The following ANK1 variants were observed in gnomAD, a reference collection of about 807,000 sequenced individuals.
The protein encoded by ANK1 is ankyrin 1.
ANK1 carries 51 observed loss-of-function variants against 210.4 expected under a neutral mutation model. That is an observed-to-expected ratio of 0.24 (90% CI 0.19 to 0.31). ANK1 has a LOEUF of 0.31. Ranked by LOEUF, ANK1 falls within the 10% of genes least tolerant of loss-of-function variation. The pLI is 1.00. For synonymous variants in ANK1, 967 were observed against 1,025.9 expected (o/e 0.94, Z 1.10); for missense variants, 2,051 against 2,504.4 (o/e 0.82, Z 3.86).
chr8:41,663,972 G>A (rs1809463843), intron 39 of ANK1: 2 of 641,644 alleles, frequency 3.1e-6, no homozygotes, highest in Non-Finnish European at 5.7e-6. Flanking sequence ...GCTCACAATT[G>A]TGCACTTGGC....
intron 1 of ANK1, among the ~76,000 whole-genome samples, chr8:41,854,827 G>A (rs1209603180): frequency 6.6e-6 from 1 of 152,020 alleles, no homozygotes; most frequent in Non-Finnish European, 1.5e-5. Flanking sequence ...GCGCACAGCT[G>A]TAGTCCTAGC....
intron 1 of ANK1, among the ~76,000 whole-genome samples, chr8:41,863,597 T>C (rs941962527): frequency 2.0e-5 from 3 of 152,226 alleles, no homozygotes; most frequent in African/African-American, 7.2e-5. Context: ...TTATTAGTAG[T>C]ATACAATAAA....
In ANK1 at chr8:41,804,346, A is replaced by C. The variant is rs938915490; in HGVS notation, c.127-46209T>G. 5.3e-5 allele frequency among the ~76,000 whole-genome samples: 8 copies of C among 152,358 alleles called. No homozygotes were observed. The East Asian group carries it at 1.5e-3, about 29-fold the overall frequency. On this transcript the variant is annotated intron_variant, in intron 1 of 42. Transcript: ENST00000265709. ...GCTGTCATGGCCTAGTCTAGACATC[A>C]CATATCATCACTTCTGCCACATTCT...
intron 18 of ANK1, among the ~76,000 whole-genome samples, chr8:41,705,532 T>C (rs759668887): frequency 6.6e-6 from 1 of 152,186 alleles, no homozygotes; most frequent in Non-Finnish European, 1.5e-5. Flanking sequence ...ACTGTCACTG[T>C]CCCTTCCTTT....
At chr8:41,849,776 C>T (rs1046190976) in intron 1 of ANK1, among the ~76,000 whole-genome samples, 1 of 152,246 alleles carries the variant, frequency 6.6e-6, no homozygotes, top group African/African-American at 2.4e-5. Flanking sequence ...CAGCTCCTTT[C>T]GTCAGCACGT....
At chr8:41,767,468 A>G (rs1254487056) in intron 1 of ANK1, among the ~76,000 whole-genome samples, 3 of 149,342 alleles carry the variant, frequency 2.0e-5, no homozygotes, top group Non-Finnish European at 3.0e-5. Context: ...CCAGCAAGTT[A>G]CGCGGCATCT....
intron 37 of ANK1, among the ~76,000 whole-genome samples, chr8:41,678,021 A>G (rs1206958526): frequency 6.6e-6 from 1 of 152,204 alleles, no homozygotes; most frequent in Non-Finnish European, 1.5e-5. Flanking sequence ...CAGTCTGCTA[A>G]TAATGTGCCC....
chr8:41,818,261 A>G (rs1803646079), intron 1 of ANK1, among the ~76,000 whole-genome samples: 1 of 152,212 alleles, frequency 6.6e-6, no homozygotes, highest in Admixed American at 6.5e-5. Context: ...GGAGGAGTAA[A>G]GTTTTAAATC....
At chr8:41,656,927 G>A (rs527724436) in intron 42 of ANK1, among the ~76,000 whole-genome samples, 31 of 152,280 alleles carry the variant, frequency 2.0e-4, no homozygotes, top group South Asian at 4.1e-4. Flanking sequence ...TGCTGCCACC[G>A]TAGAGGGAAG....
rs148961326 is a variant in ANK1 at position 41,759,724 on chromosome 8, C to T, written c.28-1587G>A. On this transcript the variant is annotated intron_variant, in intron 1 of 42. Transcript: ENST00000289734. ...ATCTACAGGGGGTTCTGGAACCAAT[C>T]CCCCACAGATACCGAAGGATGACTA... is the stretch of plus-strand genomic sequence containing the variant. 1.6e-3 allele frequency among the ~76,000 whole-genome samples: 248 copies of T among 152,222 alleles called. 3 individuals carry two copies. Among genetic ancestry groups the T allele is most frequent in the Non-Finnish European group, 7.9e-4 (54 of 68,018 alleles).
At chr8:41,714,863 G>GA (rs1827182006) in intron 15 of ANK1, 113 bp downstream of exon 15, 107 of 1,144,634 alleles carry the variant, frequency 9.3e-5, no homozygotes, top group Middle Eastern at 4.3e-4. Context: ...CTGTCTCAAA[G>GA]AAAAAAAAGA....
At chr8:41,820,167 C>CTTTTT (rs35718313) in intron 1 of ANK1, among the ~76,000 whole-genome samples, 1 of 147,880 alleles carries the variant, frequency 6.8e-6, no homozygotes. Context: ...TAGATCTCAC[C>CTTTTT]TTTTTTTTTT....
At chr8:41,860,821 G>A (rs1281286296) in intron 1 of ANK1, among the ~76,000 whole-genome samples, 1 of 152,128 alleles carries the variant, frequency 6.6e-6, no homozygotes, top group Non-Finnish European at 1.5e-5. Flanking sequence ...AACCTCAAGG[G>A]GCCTCAGGGC....
At chr8:41,787,181 G>GT (rs1330851338) in intron 1 of ANK1, among the ~76,000 whole-genome samples, 5 of 152,260 alleles carry the variant, frequency 3.3e-5, no homozygotes, top group African/African-American at 1.2e-4. Context: ...GCTGGGCTTG[G>GT]ACAGGGGCAG....
intron 1 of ANK1, among the ~76,000 whole-genome samples, chr8:41,770,602 G>A (rs1196336374): frequency 6.6e-6 from 1 of 152,218 alleles, no homozygotes; most frequent in Non-Finnish European, 1.5e-5. Context: ...AGCACTCTGA[G>A]TGTAATGGGA....
At chr8:41,699,638 G>GAGCAAGCCCCCA in intron 22 of ANK1, 90 bp from the exon 23 acceptor site, 1 of 1,258,726 alleles carries the variant, frequency 7.9e-7, no homozygotes, top group Non-Finnish European at 1.2e-6. Flanking sequence ...TCCGCCTCTG[G>GAGCAAGCCCCCA]GGGCTTGCTC....
At chr8:41,847,734 C>A (rs553041583) in intron 1 of ANK1, among the ~76,000 whole-genome samples, 1 of 152,192 alleles carries the variant, frequency 6.6e-6, no homozygotes. Flanking sequence ...GGCCACCGTG[C>A]CTTTTATCCC....
chr8:41,668,497 G>C lies in ANK1; in HGVS notation c.5164C>G (p.Gln1722Glu). The change falls in exon 39 of 43, where the codon CAA becomes GAA. Residue 1722 changes from glutamine (Q) to glutamate (E), a missense_variant. Transcript: ENST00000289734. ...TGTGGACCTTGCGTGACCTCCTCTT[G>C]CCAGGAACCTTGTGCAGCATCTTGC... ...YLQDAAQGSW[Q>E]EEVTQGPHSF... 6.2e-7 allele frequency: 1 copy of C among 1,614,208 alleles called. No individual in the cohort carries two copies. The highest frequency in any genetic ancestry group is 8.5e-7 in the Non-Finnish European group (1 of 1,180,032).
upstream of ANK1, among the ~76,000 whole-genome samples, chr8:41,799,416 C>T (rs1192658807): frequency 5.3e-5 from 8 of 152,116 alleles, no homozygotes; most frequent in African/African-American, 1.2e-4. Context: ...GCTTCTGGAA[C>T]GAACCCGTGG....
Sources: gnomAD v4.1 joint callset for allele counts (sites outside exome capture counted in the v4.1 genomes callset) on GRCh38, gnomAD v4.1.1 for gene constraint, MANE v1.5 for transcripts, NCBI Gene and HGNC (gene_info 2026-07-23, HGNC 2026-07-21) for gene names.